WDPCP: variants seen among roughly 807,000 people sequenced by gnomAD.
WDPCP encodes WD repeat containing planar cell polarity effector.
WDPCP carries 71 observed loss-of-function variants against 93.1 expected under a neutral mutation model. That is an observed-to-expected ratio of 0.76 (90% confidence interval 0.63 to 0.93). The LOEUF is 0.93. Ranked by LOEUF, WDPCP falls within the 40% of genes least tolerant of loss-of-function variation. The pLI, the probability that WDPCP is intolerant of heterozygous loss-of-function variation, is 0.00. For missense variants in WDPCP, 844 were observed against 887.4 expected (o/e 0.95, Z 0.62); for synonymous variants, 315 against 315.0 (o/e 1.00, Z 0.00).
intron 1 of WDPCP, among the ~76,000 whole-genome samples, chr2:63,582,832 C>G (rs1708583620): frequency 6.6e-6 from 1 of 152,114 alleles, no homozygotes. Flanking sequence ...GTGAAAATAT[C>G]TTTCAAACAA....
At chr2:63,445,781 A>G (rs1355352281) in intron 6 of WDPCP, among the ~76,000 whole-genome samples, 1 of 152,218 alleles carries the variant, frequency 6.6e-6, no homozygotes, top group Non-Finnish European at 1.5e-5. Flanking sequence ...GGTGAGAAGT[A>G]AAGAGAAAGG....
intron 6 of WDPCP, among the ~76,000 whole-genome samples, chr2:63,455,846 A>G (rs1446701128): frequency 1.3e-5 from 2 of 152,202 alleles, no homozygotes; most frequent in Non-Finnish European, 2.9e-5. Context: ...ACATTTACAG[A>G]ACATTTTATC....
intron 6 of WDPCP, among the ~76,000 whole-genome samples, chr2:63,455,751 A>C (rs911709768): frequency 1.3e-5 from 2 of 152,140 alleles, no homozygotes; most frequent in Admixed American, 1.3e-4. Flanking sequence ...TCAACAGTCC[A>C]CTCTCAGCAT....
At chr2:63,171,921 G>T (rs1399143336) in intron 15 of WDPCP, among the ~76,000 whole-genome samples, 2 of 152,168 alleles carry the variant, frequency 1.3e-5, no homozygotes, top group Non-Finnish European at 2.9e-5. Context: ...AAAGAAGCCA[G>T]ATACAAAAGA....
At chr2:63,804,665 T>G (rs1446263887) in intron 2 of WDPCP, among the ~76,000 whole-genome samples, 1 of 151,820 alleles carries the variant, frequency 6.6e-6, no homozygotes, top group Non-Finnish European at 1.5e-5. Context: ...TTAGAAGGAC[T>G]CAAGATCTCT....
intron 14 of WDPCP, among the ~76,000 whole-genome samples, chr2:63,194,136 A>C (rs974260938): frequency 6.6e-6 from 1 of 152,142 alleles, no homozygotes; most frequent in African/African-American, 2.4e-5. Flanking sequence ...TCTACCTTCA[A>C]GTTCACTTAG....
chr2:63,382,214 G>A (rs1692372609), intron 10 of WDPCP, 120 bp from the exon 11 acceptor site: 3 of 927,900 alleles, frequency 3.2e-6, no homozygotes, highest in Non-Finnish European at 3.3e-6. Context: ...AGAAATGTGG[G>A]ACTGATCTCC....
At chr2:63,604,210 T>G (rs529766439) in intron 3 of WDPCP, among the ~76,000 whole-genome samples, 1 of 152,364 alleles carries the variant, frequency 6.6e-6, no homozygotes, top group East Asian at 1.9e-4. Context: ...AAATTTCATA[T>G]TTAGGGTTAT....
chr2:63,731,362 G>A (rs949044515), intron 2 of WDPCP, among the ~76,000 whole-genome samples: 2 of 151,558 alleles, frequency 1.3e-5, no homozygotes, highest in South Asian at 2.1e-4. Context: ...TTTAAAAACT[G>A]AGGTAAAATT....
intron 3 of WDPCP, among the ~76,000 whole-genome samples, chr2:63,605,577 T>C (rs1709512489): frequency 6.6e-6 from 1 of 152,246 alleles, no homozygotes; most frequent in East Asian, 1.9e-4. Flanking sequence ...TGTCATCTTT[T>C]ACATGACATT....
chr2:63,696,662 C>A (rs1395691630), intron 2 of WDPCP, among the ~76,000 whole-genome samples: 1 of 152,154 alleles, frequency 6.6e-6, no homozygotes, highest in Non-Finnish European at 1.5e-5. Context: ...GGCTGAGACA[C>A]CCATGGTAGC....
intron 12 of WDPCP, among the ~76,000 whole-genome samples, chr2:63,354,951 G>T (rs920554197): frequency 6.6e-6 from 1 of 152,140 alleles, no homozygotes; most frequent in Admixed American, 6.5e-5. Flanking sequence ...TATGTAAAGA[G>T]GCCAAATATA....
At chr2:63,669,702 T>TA (rs1418927036) in intron 2 of WDPCP, among the ~76,000 whole-genome samples, 3 of 152,324 alleles carry the variant, frequency 2.0e-5, no homozygotes, top group Admixed American at 2.0e-4. Context: ...TAGATACATT[T>TA]AAAAAGCTCT....
At chr2:63,353,281 T>C (rs1243400579) in intron 12 of WDPCP, among the ~76,000 whole-genome samples, 7 of 152,176 alleles carry the variant, frequency 4.6e-5, no homozygotes, top group African/African-American at 1.7e-4. Flanking sequence ...ATACTTGGGC[T>C]TTCTGGCAAA....
chr2:63,702,935 T>C (rs1669082557), intron 2 of WDPCP, among the ~76,000 whole-genome samples: 4 of 151,816 alleles, frequency 2.6e-5, no homozygotes, highest in Admixed American at 1.3e-4. Flanking sequence ...TGTGTTCTCA[T>C]TGTTCAATTC....
intron 17 of WDPCP, among the ~76,000 whole-genome samples, chr2:63,139,073 GTA>G (rs1352369887): frequency 6.6e-6 from 1 of 151,878 alleles, no homozygotes; most frequent in Admixed American, 6.6e-5. Context: ...GTGTATGTAT[GTA>G]TGTGTGTGTA....
intron 14 of WDPCP, among the ~76,000 whole-genome samples, chr2:63,245,111 A>G (rs1680169174): frequency 6.6e-6 from 1 of 152,156 alleles, no homozygotes; most frequent in Admixed American, 6.6e-5. Flanking sequence ...CAAGGAAGAA[A>G]GACTTTCCCC....
chr2:63,780,774 GAAC>G (rs1162538016), intron 2 of WDPCP, among the ~76,000 whole-genome samples: 4 of 148,462 alleles, frequency 2.7e-5, no homozygotes, highest in African/African-American at 2.4e-5. Context: ...ACAGCTTGGA[GAAC>G]AACATTTATT....
intron 6 of WDPCP, among the ~76,000 whole-genome samples, chr2:63,466,707 C>G (rs745895210): frequency 1.5e-4 from 23 of 152,078 alleles, no homozygotes; most frequent in African/African-American, 4.8e-4. Flanking sequence ...GTAAAAGACA[C>G]GTGAAAAACA....
Sources: allele counts gnomAD v4.1 joint callset (sites outside exome capture counted in the v4.1 genomes callset), GRCh38; gene constraint gnomAD v4.1.1; transcripts MANE v1.5; gene names NCBI Gene and HGNC (gene_info 2026-07-23, HGNC 2026-07-21).